DNAH5: variants seen among roughly 807,000 people sequenced by gnomAD.
DNAH5 encodes the protein dynein axonemal heavy chain 5.
Under a neutral mutation model 518.2 loss-of-function variants are expected in DNAH5, and 372 were observed. The ratio of observed to expected loss-of-function variants is 0.72; its 90% CI spans 0.66 to 0.78. The LOEUF is 0.78. DNAH5 is among the 30% of genes least tolerant of loss of function. DNAH5 has a pLI of 0.00. For synonymous variants in DNAH5, 2,039 were observed against 2,025.9 expected, an observed-to-expected ratio of 1.01 and a Z score of -0.17; for missense variants, 5,523 against 5,687.0, an observed-to-expected ratio of 0.97 and a Z score of 0.93.
chr5:13,892,011 G>A (rs527370093), intron 16 of DNAH5, among the ~76,000 whole-genome samples: 1 of 152,258 alleles, frequency 6.6e-6, no homozygotes, highest in East Asian at 1.9e-4. Context: ...TTGAATACAG[G>A]AAAGTCAACG....
chr5:13,724,377 C>A (rs1397531595), intron 70 of DNAH5, among the ~76,000 whole-genome samples: 1 of 152,160 alleles, frequency 6.6e-6, no homozygotes, highest in Non-Finnish European at 1.5e-5. Context: ...AATATTTACC[C>A]AATGCCTTAC....
Position 13,920,485 on chromosome 5 carries a change from C to CA in DNAH5, c.792_793insT (p.Glu265Ter), listed in dbSNP as rs1561574827. ...GTTTGGTTTCTCAAAATTACCTGTT[C>CA]TGTCTGTTTGATCCATACTTTCATG... On this transcript the variant is annotated frameshift_variant, in exon 6 of 79. Coordinates refer to ENST00000265104, the MANE Select transcript of DNAH5 (RefSeq NM_001369.3). LOFTEE classifies it high-confidence loss of function. 1 of 1,614,160 alleles carries CA rather than the reference C, an allele frequency of 6.2e-7. No homozygotes were observed. The highest frequency in any genetic ancestry group is 1.7e-5 in the Admixed American group (1 of 60,028).
chr5:13,976,710 T>TATATACAC (rs780402172), intron 1 of DNAH5, among the ~76,000 whole-genome samples: 4 of 133,108 alleles, frequency 3.0e-5, no homozygotes, highest in East Asian at 4.7e-4. Flanking sequence ...TATATATATA[T>TATATACAC]ACACACACAC....
chr5:13,754,075 T>A, intron 62 of DNAH5, 128 bp downstream of exon 62: 1 of 1,067,318 alleles, frequency 9.4e-7, no homozygotes, highest in East Asian at 2.4e-5. Flanking sequence ...ATGCGCACAA[T>A]GTGCGGGTTT....
At chr5:13,992,641 T>C (rs2152075849) in intron 1 of DNAH5, among the ~76,000 whole-genome samples, 1 of 152,222 alleles carries the variant, frequency 6.6e-6, no homozygotes, top group South Asian at 2.1e-4. Context: ...GGGATTCCCT[T>C]GTAATGGAGT....
intron 3 of DNAH5, among the ~76,000 whole-genome samples, chr5:13,926,053 C>T (rs1580923585): frequency 6.6e-6 from 1 of 152,300 alleles, no homozygotes; most frequent in South Asian, 2.1e-4. Context: ...AAGCACAGTG[C>T]TCAATAAGGC....
chr5:13,911,528 A>G (rs564004682), intron 11 of DNAH5, 35 bp from the exon 12 acceptor site: 1 of 1,500,852 alleles, frequency 6.7e-7, no homozygotes, highest in Admixed American at 1.7e-5. Flanking sequence ...ATAATATTTC[A>G]ATATTCTTAT....
intron 1 of DNAH5, among the ~76,000 whole-genome samples, chr5:13,978,688 G>T (rs774612966): frequency 2.0e-5 from 3 of 152,174 alleles, no homozygotes; most frequent in Non-Finnish European, 2.9e-5. Flanking sequence ...GTAAGCTGCT[G>T]TTCAGGTTTG....
intron 69 of DNAH5, 73 bp downstream of exon 69, chr5:13,729,366 A>G: frequency 6.3e-7 from 1 of 1,593,404 alleles, no homozygotes; most frequent in Non-Finnish European, 8.6e-7. Context: ...TCTTCCACAA[A>G]TATTGTACCT....
chr5:13,919,108 A>G, intron 7 of DNAH5, 68 bp downstream of exon 7: 1 of 1,593,488 alleles, frequency 6.3e-7, no homozygotes, highest in South Asian at 1.1e-5. Context: ...TAATCACTCT[A>G]TGCCTTGAAA....
At chr5:13,783,349 T>C (rs1755481460) in intron 52 of DNAH5, among the ~76,000 whole-genome samples, 1 of 152,182 alleles carries the variant, frequency 6.6e-6, no homozygotes, top group South Asian at 2.1e-4. Context: ...CCAGATTCTC[T>C]GTGTGGTTCT....
At chr5:13,902,918 G>C (rs1774838651) in intron 12 of DNAH5, among the ~76,000 whole-genome samples, 1 of 151,832 alleles carries the variant, frequency 6.6e-6, no homozygotes, top group African/African-American at 2.4e-5. Flanking sequence ...GATTCCTATA[G>C]GAAAAAAAAT....
At chr5:13,896,449 C>T (rs1773924756) in intron 15 of DNAH5, 1 of 152,174 alleles carries the variant, frequency 6.6e-6, no homozygotes, top group Non-Finnish European at 1.5e-5. Flanking sequence ...TCCTGACTAC[C>T]TGTTTAAGAT....
intron 55 of DNAH5, among the ~76,000 whole-genome samples, chr5:13,775,764 A>AC (rs1172598470): frequency 7.2e-5 from 11 of 152,044 alleles, no homozygotes; most frequent in African/African-American, 2.7e-4. Context: ...TCCTCCGGCA[A>AC]CCCCCATCTA....
chr5:13,730,490 A>C (rs2126580443), intron 68 of DNAH5, among the ~76,000 whole-genome samples: 1 of 152,220 alleles, frequency 6.6e-6, no homozygotes, highest in East Asian at 1.9e-4. Flanking sequence ...GCTGGAGTGC[A>C]GTGGCACGAT....
chr5:13,787,237 G>C (rs1439225009), intron 51 of DNAH5, among the ~76,000 whole-genome samples: 1 of 150,224 alleles, frequency 6.7e-6, no homozygotes, highest in African/African-American at 2.4e-5. Flanking sequence ...CCAAGAAAAA[G>C]CTAAATTGGG....
rs1475290227 is a variant in DNAH5 at position 13,845,325 on chromosome 5, TAAAAACACTATGTAGAGAGTA to T, written c.5115-353_5115-333del. On this transcript the variant is annotated intron_variant, in intron 31 of 78. Transcript: ENST00000265104. ...TAAAAACACTATGTAGAGAGTAAGA[TAAAAACACTATGTAGAGAGTA>T]AGATAAAAACACACCCAGGCAGGTT... 2.0e-5 allele frequency among the ~76,000 whole-genome samples: 3 copies of T among 151,448 alleles called. No individual in the cohort carries two copies. In the East Asian group the frequency reaches 5.8e-4, roughly 29 times the overall value.
At chr5:13,996,911 G>A (rs888902692) in intron 1 of DNAH5, among the ~76,000 whole-genome samples, 2 of 152,206 alleles carry the variant, frequency 1.3e-5, no homozygotes, top group African/African-American at 2.4e-5. Flanking sequence ...CCACCGTTCT[G>A]CCAGGCATTA....
chr5:13,779,924 T>C (rs143474963), intron 53 of DNAH5, among the ~76,000 whole-genome samples: 1 of 152,330 alleles, frequency 6.6e-6, no homozygotes, highest in African/African-American at 2.4e-5. Context: ...CCTTCTATTT[T>C]CTGTACATAA....
Sources: gnomAD v4.1 joint callset for allele counts (sites outside exome capture counted in the v4.1 genomes callset) on GRCh38, gnomAD v4.1.1 for gene constraint, MANE v1.5 for transcripts, NCBI Gene and HGNC (gene_info 2026-07-23, HGNC 2026-07-21) for gene names.